Variants in UNC80 observed in about 807,000 individuals in gnomAD.
The protein encoded by UNC80 is protein unc-80 homolog.
Under a neutral mutation model 384.6 loss-of-function variants are expected in UNC80, and 164 were observed. The ratio of observed to expected loss-of-function variants is 0.43; its 90% confidence interval spans 0.38 to 0.49. The LOEUF (loss-of-function observed/expected upper bound fraction) is 0.49, where lower values mean the gene tolerates loss of function less well. Ranked by LOEUF, UNC80 falls within the 20% of genes least tolerant of loss-of-function variation. The pLI is 0.00. For missense variants in UNC80, 3,330 were observed against 4,143.0 expected (o/e 0.80, Z 5.39); for synonymous variants, 1,486 against 1,527.8 (o/e 0.97, Z 0.64).
rs1366323709 is a variant in UNC80 at position 209,842,392 on chromosome 2, G to A, written c.3400G>A (p.Gly1134Arg). Residue 1134 changes from glycine to arginine, a missense_variant, in exon 21 of 65, where the codon GGA becomes AGA. By Grantham distance (125) the Gly-to-Arg change is moderately radical (BLOSUM62 -2). Around this residue, in one of 8 missense-constraint regions of UNC80, gnomAD observed 801 missense variants for 950.8 expected, o/e 0.84. Transcript: ENST00000673920. ...TGTGAAGCTTTCTGAAGGTGGGCCA[G>A]GAAGTGGCATGGAAAATGGAAGAGA... ...SAVKLSEGGP[G>R]SGMENGRDEE... 3 of 1,551,080 alleles carry A rather than the reference G, an allele frequency of 1.9e-6. No individual in the cohort carries two copies. Among genetic ancestry groups the A allele is most frequent in the Non-Finnish European group, 2.6e-6 (3 of 1,146,742 alleles).
At chr2:209,786,762 A>G (rs1326035236) in intron 5 of UNC80, among the ~76,000 whole-genome samples, 1 of 152,014 alleles carries the variant, frequency 6.6e-6, no homozygotes, top group African/African-American at 2.4e-5. Context: ...ATCTCTTACT[A>G]TGTATATAAC....
In UNC80 at chr2:209,813,931, C is replaced by A. The variant is rs531750132; in HGVS notation, c.1200+90C>A. 8.1e-4 allele frequency: 1,168 copies of A among 1,443,442 alleles called. 1 individual carries two copies. The highest frequency in any genetic ancestry group is 1.2e-3 in the Admixed American group (45 of 38,330). 89.4% of individuals were successfully genotyped at this position (1,443,442 alleles called of 1,614,324 possible). On this transcript the variant is annotated intron_variant, in intron 8 of 64. Transcript: ENST00000673920. ...TCTGTGCATCCAGCTCTTAGGTACTCTAGTGCTGACTTTTTGGTTGGTGGG... is the reference window on the plus strand; with the variant it reads ...TCTGTGCATCCAGCTCTTAGGTACTATAGTGCTGACTTTTTGGTTGGTGGG...
rs1319509980 is a variant in UNC80, at chr2:209,943,457, C to T, written c.6993C>T (p.His2331=). 3 of 1,552,056 alleles carry T rather than the reference C, an allele frequency of 1.9e-6. No individual in the cohort carries two copies. The highest frequency in any genetic ancestry group is 2.7e-5 in the African/African-American group (2 of 73,160). ...CCTGTCACCAGTTCTATATTCTACACCGGAAGCCCTTTGTGCTCCAGCTGT... is the reference window on the plus strand; with the variant it reads ...CCTGTCACCAGTTCTATATTCTACATCGGAAGCCCTTTGTGCTCCAGCTGT... ...EFACHQFYIL[H]RKPFVLQLFA... Residue 2331 remains histidine, a synonymous_variant, in exon 45 of 65, where the codon CAC becomes CAT. Transcript: ENST00000673920.
chr2:209,927,202 A>T (rs1175809362), intron 36 of UNC80, among the ~76,000 whole-genome samples: 2 of 152,212 alleles, frequency 1.3e-5, no homozygotes, highest in African/African-American at 4.8e-5. Flanking sequence ...TTGCATTTAA[A>T]ATAGGTAATT....
intron 27 of UNC80, 79 bp from the exon 28 acceptor site, chr2:209,896,234 C>A: frequency 7.8e-7 from 1 of 1,278,658 alleles, no homozygotes; most frequent in Non-Finnish European, 1.1e-6. Flanking sequence ...GATTCAGAAG[C>A]ATGGACAACT....
intron 51 of UNC80, among the ~76,000 whole-genome samples, chr2:209,963,669 A>G (rs2092663428): frequency 1.3e-5 from 2 of 152,034 alleles, no homozygotes; most frequent in South Asian, 4.1e-4. Flanking sequence ...CAAATTCATG[A>G]GAAAGAGATA....
At chr2:209,939,675 C>T in intron 43 of UNC80, 23 bp downstream of exon 43, 1 of 1,502,012 alleles carries the variant, frequency 6.7e-7, no homozygotes, top group Non-Finnish European at 8.9e-7. Context: ...GAAACATTGC[C>T]TCTCTGGGGC....
At chr2:209,781,602 G>A (rs759304456) in intron 4 of UNC80, among the ~76,000 whole-genome samples, 15 of 152,122 alleles carry the variant, frequency 9.9e-5, no homozygotes, top group Non-Finnish European at 2.2e-4. Context: ...CTCTGACTCT[G>A]TCTGTTCTAT....
intron 15 of UNC80, 79 bp from the exon 16 acceptor site, chr2:209,831,364 G>C (rs2080953775): frequency 5.7e-6 from 8 of 1,401,462 alleles, no homozygotes; most frequent in Non-Finnish European, 7.6e-6. Flanking sequence ...TAATTCCTGG[G>C]TGCCAAGTAC....
chr2:209,904,800 C>T lies in UNC80; in HGVS notation c.4617C>T (p.Ile1539=). The T allele has an allele frequency of 6.4e-7, 1 of 1,552,050 alleles. No individual in the cohort carries two copies. The highest frequency in any genetic ancestry group is 1.2e-5 in the South Asian group (1 of 84,064). Residue 1539 remains isoleucine, a synonymous_variant, in exon 29 of 65, where the codon ATC becomes ATT. Transcript: ENST00000673920. ...MILLCNQQSF[I]CTHVDYCHPH... is the part of the protein sequence containing the mutation. ...TGCTGTGCAATCAGCAGAGTTTCAT[C>T]TGCACTCACGTTGACTACTGCCATC... is the stretch of plus-strand genomic sequence containing the variant.
chr2:209,988,434 G>A (rs531231107), intron 61 of UNC80, among the ~76,000 whole-genome samples: 5 of 152,150 alleles, frequency 3.3e-5, no homozygotes, highest in African/African-American at 4.8e-5. Flanking sequence ...TGAAATGAGC[G>A]ATATGAATTT....
chr2:209,995,300 C>T (rs1243679452), intron 64 of UNC80, 29 bp from the exon 65 acceptor site: 1 of 1,549,426 alleles, frequency 6.5e-7, no homozygotes. Flanking sequence ...TCCTATCTTT[C>T]CATAATGTTA....
intron 29 of UNC80, among the ~76,000 whole-genome samples, chr2:209,905,883 G>C (rs958260720): frequency 1.3e-5 from 2 of 152,186 alleles, no homozygotes; most frequent in Non-Finnish European, 2.9e-5. Flanking sequence ...GCCAGGGAAG[G>C]CCTAAATTTT....
chr2:209,994,053 C>T lies in UNC80; in HGVS notation c.9509-12C>T. 1 of 1,543,378 alleles carries T rather than the reference C, an allele frequency of 6.5e-7. No homozygotes were observed. Among genetic ancestry groups the T allele is most frequent in the South Asian group, 1.2e-5 (1 of 83,066 alleles). ...ACTCCTCCCCAATTTACTGTTTCAC[C>T]TCTACCTGCAGCGGATCAGAAACGA... On this transcript the variant is annotated splice_polypyrimidine_tract_variant and intron_variant, in intron 63 of 64. Transcript: ENST00000673920.
At chr2:209,935,920 A>G (rs2091212381) in intron 40 of UNC80, 112 bp downstream of exon 40, 1 of 628,604 alleles carries the variant, frequency 1.6e-6, no homozygotes, top group Non-Finnish European at 2.7e-6. Context: ...GGATGTATGC[A>G]TTTCTTTACT....
At chr2:209,858,130 A>G (rs1262048323) in intron 22 of UNC80, among the ~76,000 whole-genome samples, 4 of 152,244 alleles carry the variant, frequency 2.6e-5, no homozygotes, top group Non-Finnish European at 5.9e-5. Context: ...AATGATGACA[A>G]ATACGTTCAT....
chr2:209,806,467 C>A, intron 7 of UNC80, among the ~76,000 whole-genome samples: 1 of 152,170 alleles, frequency 6.6e-6, no homozygotes, highest in Non-Finnish European at 1.5e-5. Context: ...GCAACGTACA[C>A]CCACATGTGT....
intron 21 of UNC80, among the ~76,000 whole-genome samples, chr2:209,844,940 C>T (rs12386217): frequency 4.6e-5 from 7 of 151,754 alleles, no homozygotes; most frequent in African/African-American, 1.2e-4. Flanking sequence ...CTGTCTGCTG[C>T]GAACTGAATG....
In UNC80 at chr2:209,894,220, G is replaced by C. The variant is rs928118245; in HGVS notation, c.4334G>C (p.Arg1445Pro). ...GSRLLQIKGT[R>P]SFQVKKGGSL... is the part of the protein sequence containing the mutation. ...CGCCTGCTCCAGATTAAAGGAACCC[G>C]CAGTTTCCAGGTGAAGAAGGGGGGT... The change falls in exon 27 of 65, where the codon CGC becomes CCC. Residue 1445 changes from arginine to proline, a missense_variant. By Grantham distance (103) the Arg-to-Pro change is moderately radical (BLOSUM62 -2). Transcript: ENST00000673920. 1 of 985,404 alleles carries C rather than the reference G, an allele frequency of 1.0e-6. No individual in the cohort carries two copies. The allele number at this position is 985,404 out of a possible 1,614,324, so 61.0% of individuals were successfully genotyped here.
Sources: allele counts gnomAD v4.1 joint callset (sites outside exome capture counted in the v4.1 genomes callset), GRCh38; gene constraint gnomAD v4.1.1; regional missense constraint gnomAD v4.1.1; transcripts MANE v1.5; gene names NCBI Gene and HGNC (gene_info 2026-07-23, HGNC 2026-07-21).